The following SYTL2 variants were observed in gnomAD, a reference collection of about 807,000 sequenced individuals.
SYTL2 encodes the protein synaptotagmin-like protein 2.
SYTL2 carries 165 observed loss-of-function variants against 198.7 expected under a neutral mutation model. The ratio of observed to expected loss-of-function variants is 0.83; its 90% CI spans 0.73 to 0.94. SYTL2 has a LOEUF of 0.94. Ranked by LOEUF, SYTL2 falls within the 40% of genes least tolerant of loss-of-function variation. SYTL2 has a pLI of 0.00. For missense variants in SYTL2, 2,835 were observed against 2,582.8 expected, an observed-to-expected ratio of 1.10 and a Z score of -2.12; for synonymous variants, 966 against 917.7, an observed-to-expected ratio of 1.05 and a Z score of -0.95.
intron 1 of SYTL2, among the ~76,000 whole-genome samples, chr11:85,806,717 A>G (rs2092963239): frequency 6.6e-6 from 1 of 152,244 alleles, no homozygotes; most frequent in African/African-American, 2.4e-5. Flanking sequence ...ACATTTTCTC[A>G]TATCTCATTC....
Position 85,758,004 on chromosome 11 carries a change from T to C in SYTL2, c.-279A>G, listed in dbSNP as rs2091962886. 5.6e-6 allele frequency: 2 copies of C among 355,026 alleles called. No individual in the cohort carries two copies. The allele number at this position is 355,026 out of a possible 1,614,324, so 22.0% of individuals were successfully genotyped here. A position where few individuals can be genotyped will look rare whatever the true frequency, so the allele number is the denominator to read the frequency against. On this transcript the variant is annotated 5_prime_UTR_variant, in exon 2 of 20. It adds an upstream start codon to the 5' untranslated region. Coordinates refer to ENST00000359152, the MANE Select transcript of SYTL2 (RefSeq NM_206927.4). ...CCTTGCCAAACAGGTCGCTTGTTCCTATGGTGGCTTCCAGCACACTCACTC... is the reference window on the plus strand; with the variant it reads ...CCTTGCCAAACAGGTCGCTTGTTCCCATGGTGGCTTCCAGCACACTCACTC...
At chr11:85,828,129 G>A in the SYTL2 span, among the ~76,000 whole-genome samples, 1 of 151,880 alleles carries the variant, frequency 6.6e-6, no homozygotes, top group African/African-American at 2.4e-5. Context: ...TTCCCTGATG[G>A]CAAAATACAG....
In SYTL2 at chr11:85,724,312, T is replaced by TG. The variant is rs767992187; in HGVS notation, c.5045dup (p.Glu1683ArgfsTer6). On this transcript the variant is annotated frameshift_variant, in exon 8 of 20. Transcript: ENST00000359152. LOFTEE classifies it high-confidence loss of function. ...CCCCACTTTCACTGTCCCTGTCCTC[T>TG]GGGGGGGTTACAGTTTTAATGGTCC... 32 of 1,577,846 alleles carry TG rather than the reference T, an allele frequency of 2.0e-5. No homozygotes were observed. Among genetic ancestry groups the TG allele is most frequent in the African/African-American group, 9.5e-5 (7 of 73,512 alleles).
In SYTL2 at chr11:85,725,983, A is replaced by G; in HGVS notation, c.3375T>C (p.Ser1125=). ...CATTAAAAGTGTCTTTGCAGTCTTT[A>G]GACAAAACATTGGTTTTTATTATGG... ...QESIIKTNVL[S]KDCKDTFNDS... is the part of the protein sequence containing the mutation. The change falls in exon 8 of 20, where the codon TCT becomes TCC. Residue 1125 remains serine, a synonymous_variant. Coordinates refer to ENST00000359152, the MANE Select transcript of SYTL2 (RefSeq NM_206927.4). 1 of 1,614,108 alleles carries G rather than the reference A, an allele frequency of 6.2e-7. No homozygotes were observed. The highest frequency in any genetic ancestry group is 8.5e-7 in the Non-Finnish European group (1 of 1,180,008).
At chr11:85,729,504 G>A (rs1277807939) in intron 7 of SYTL2, among the ~76,000 whole-genome samples, 7 of 152,106 alleles carry the variant, frequency 4.6e-5, no homozygotes, top group South Asian at 2.1e-4. Flanking sequence ...GGTAAATAAC[G>A]AAATAAAGGC....
chr11:85,736,701 G>C (rs894124649), intron 5 of SYTL2, 86 bp from the exon 6 acceptor site: 3 of 730,116 alleles, frequency 4.1e-6, no homozygotes, highest in African/African-American at 3.6e-5. Flanking sequence ...CTTCAATTTT[G>C]ATAGTTTTAT....
chr11:85,825,378 A>G, the SYTL2 span, among the ~76,000 whole-genome samples: 6 of 106,550 alleles, frequency 5.6e-5, no homozygotes, highest in African/African-American at 1.8e-4. Context: ...ACAGAGCGAG[A>G]CTCCGTCTCA....
At chr11:85,736,374 A>G in intron 6 of SYTL2, 127 bp downstream of exon 6, 1 of 573,266 alleles carries the variant, frequency 1.7e-6, no homozygotes, top group South Asian at 2.6e-5. Flanking sequence ...AGCACCGTAA[A>G]ATAAGAAAAC....
chr11:85,707,641 A>G, intron 14 of SYTL2, 110 bp from the exon 15 acceptor site: 2 of 731,888 alleles, frequency 2.7e-6, no homozygotes, highest in South Asian at 3.5e-5. Context: ...ATTTCATGAC[A>G]CTGAGAAAAG....
intron 12 of SYTL2, among the ~76,000 whole-genome samples, chr11:85,713,137 T>C (rs776864208): frequency 6.6e-6 from 1 of 152,164 alleles, no homozygotes; most frequent in Non-Finnish European, 1.5e-5. Context: ...CTCTTAACCA[T>C]AGGCAAGGGC....
the SYTL2 span, among the ~76,000 whole-genome samples, chr11:85,845,751 C>A: frequency 6.6e-6 from 1 of 152,076 alleles, no homozygotes; most frequent in Non-Finnish European, 1.5e-5. Flanking sequence ...TACTAATACA[C>A]ACACACACAC....
the SYTL2 span, among the ~76,000 whole-genome samples, chr11:85,826,183 C>T: frequency 6.6e-6 from 1 of 152,150 alleles, no homozygotes; most frequent in African/African-American, 2.4e-5. Context: ...TGGCCAGATC[C>T]CCAGGTGATT....
At chr11:85,765,035 A>G (rs547844823) in intron 1 of SYTL2, among the ~76,000 whole-genome samples, 8 of 152,320 alleles carry the variant, frequency 5.3e-5, no homozygotes, top group Non-Finnish European at 1.0e-4. Flanking sequence ...TCAGTGTTCT[A>G]TTTTTAAAAA....
Position 85,734,030 on chromosome 11 carries a change from C to T in SYTL2, c.1299G>A (p.Gln433=), listed in dbSNP as rs761511253. ...TGATGGTTGGTGAATTCTCCATAGA[C>T]TGTGGTCTTGCAGTTAAAACTTCTG... ...SHSEVLTARP[Q]SMENSPTINE... is the part of the protein sequence containing the mutation. The change falls in exon 7 of 20, where the codon CAG becomes CAA. Residue 433 remains glutamine (Q), a synonymous_variant. Coordinates refer to ENST00000359152, the MANE Select transcript of SYTL2 (RefSeq NM_206927.4). The T allele has an allele frequency of 1.9e-6, 3 of 1,614,046 alleles. No homozygotes were observed. Among genetic ancestry groups the T allele is most frequent in the African/African-American group, 2.7e-5 (2 of 75,024 alleles).
chr11:85,748,986 G>A (rs945939900), intron 2 of SYTL2, among the ~76,000 whole-genome samples: 5 of 152,274 alleles, frequency 3.3e-5, no homozygotes, highest in African/African-American at 1.2e-4. Flanking sequence ...GAGGAGGAGT[G>A]ATGTCTCTGA....
chr11:85,746,440 ATAAC>A (rs1049423302), intron 3 of SYTL2, among the ~76,000 whole-genome samples: 2 of 152,238 alleles, frequency 1.3e-5, no homozygotes, highest in African/African-American at 4.8e-5. Flanking sequence ...CAACTGAATG[ATAAC>A]TAACTACCAG....
At chr11:85,733,467 A>T (rs1314301150) in intron 7 of SYTL2, 2 of 153,064 alleles carry the variant, frequency 1.3e-5, no homozygotes, top group Admixed American at 1.3e-4. Context: ...CTCCAAGCCC[A>T]TTAAGAGGTA....
chr11:85,777,528 G>A (rs1210601568), intron 1 of SYTL2, among the ~76,000 whole-genome samples: 1 of 152,010 alleles, frequency 6.6e-6, no homozygotes, highest in African/African-American at 2.4e-5. Context: ...GAGAGGAGGG[G>A]AATGGCTAGA....
chr11:85,839,202 G>T, the SYTL2 span, among the ~76,000 whole-genome samples: 3 of 152,088 alleles, frequency 2.0e-5, no homozygotes, highest in Non-Finnish European at 4.4e-5. Flanking sequence ...TTGCATTCTT[G>T]ATTTTTTTCA....
Sources: allele counts gnomAD v4.1 joint callset (sites outside exome capture counted in the v4.1 genomes callset), GRCh38; gene constraint gnomAD v4.1.1; transcripts MANE v1.5; gene names NCBI Gene and HGNC (gene_info 2026-07-23, HGNC 2026-07-21).